SERBP1: variants seen among roughly 807,000 people sequenced by gnomAD.
The protein encoded by SERBP1 is SERPINE1 mRNA binding protein 1, also known as SERPINE1 mRNA-binding protein 1.
SERBP1 carries 6 observed loss-of-function variants against 50.2 expected under a neutral mutation model. The ratio of observed to expected loss-of-function variants is 0.12; its 90% confidence interval spans 0.07 to 0.24. The LOEUF (loss-of-function observed/expected upper bound fraction) is 0.24. SERBP1 is among the 10% of genes least tolerant of loss of function. SERBP1 has a pLI of 1.00. For synonymous variants in SERBP1, 168 were observed against 182.8 expected, an observed-to-expected ratio of 0.92 and a Z score of 0.65; for missense variants, 346 against 524.9, an observed-to-expected ratio of 0.66 and a Z score of 3.33.
Position 67,430,343 on chromosome 1 carries a change from C to A in SERBP1, c.-43G>T. The stretch of plus-strand genomic sequence containing the variant: ...GCGTTCCTCCACGGATTGCAGCGGG[C>A]CGCGCCGAGCCAAGAGCGCCTGCTT... On this transcript the variant is annotated 5_prime_UTR_variant, in exon 1 of 8. Transcript: ENST00000361219. 2.0e-6 allele frequency: 3 copies of A among 1,491,638 alleles called. No homozygotes were observed. Among genetic ancestry groups the A allele is most frequent in the Non-Finnish European group, 1.8e-6 (2 of 1,120,962 alleles). The allele number at this position is 1,491,638 out of a possible 1,614,324, so 92.4% of individuals were successfully genotyped here. A position where few individuals can be genotyped will look rare whatever the true frequency, so the allele number is the denominator to read the frequency against.
chr1:67,415,357 G>A lies in SERBP1; in HGVS notation c.952-18C>T, dbSNP rs745463363. On this transcript the variant is annotated intron_variant, in intron 6 of 7. Coordinates refer to ENST00000361219, the MANE Select transcript of SERBP1 (RefSeq NM_001018069.2). ...GCATGAGCCTAAAAATATAAGTGAA[G>A]ATGATTGTGTTATTAGTAGAAAAGT... The A allele has an allele frequency of 1.7e-5, 26 of 1,542,214 alleles. No homozygotes were observed. The highest frequency in any genetic ancestry group is 1.6e-5 in the Non-Finnish European group (18 of 1,143,564).
Position 67,430,141 on chromosome 1 carries a change from C to T in SERBP1, c.160G>A (p.Ala54Thr). The change falls in exon 1 of 8, where the codon GCA (alanine) becomes ACA (threonine). Residue 54 changes from alanine (A) to threonine (T), a missense_variant. Coordinates refer to ENST00000361219, the MANE Select transcript of SERBP1 (RefSeq NM_001018069.2). ...GGVGGPGAKS[A>T]AQAAAQTNSN... Reference sequence around the variant, plus strand: ...TTGGTCTGGGCCGCGGCCTGAGCTGCGCTCTTGGCCCCAGGGCCCCCAACG... The same window carrying T: ...TTGGTCTGGGCCGCGGCCTGAGCTGTGCTCTTGGCCCCAGGGCCCCCAACG... The T allele has an allele frequency of 1.2e-6, 2 of 1,611,482 alleles. No individual in the cohort carries two copies. The highest frequency in any genetic ancestry group is 2.2e-5 in the East Asian group (1 of 44,872).
At chr1:67,420,653 G>C (rs1471282216) in intron 5 of SERBP1, 1 of 152,608 alleles carries the variant, frequency 6.6e-6, no homozygotes, top group Admixed American at 6.5e-5. Context: ...TCAAATTTTG[G>C]AATATAAAAG....
At chr1:67,420,236 T>A in intron 5 of SERBP1, 50 bp from the exon 6 acceptor site, 1 of 1,320,424 alleles carries the variant, frequency 7.6e-7, no homozygotes. Context: ...TGATATTACA[T>A]AAAAGTATTT....
rs1314254662 is a variant in SERBP1, at chr1:67,409,150, C to G, written c.*4057G>C. 1 of 152,108 alleles carries G rather than the reference C, an allele frequency of 6.6e-6. No homozygotes were observed. Among genetic ancestry groups the G allele is most frequent in the South Asian group, 2.1e-4 (1 of 4,812 alleles). The allele number at this position is 152,108 out of a possible 1,614,324, so 9.4% of individuals were successfully genotyped here. On this transcript the variant is annotated 3_prime_UTR_variant, in exon 8 of 8. Transcript: ENST00000361219. Reference sequence around the variant, plus strand: ...GGAGGCTGAGGCAGAATTGCTTGAACCCGGGAGGTGGAGGCTGCAGTGACC... The same window carrying G: ...GGAGGCTGAGGCAGAATTGCTTGAAGCCGGGAGGTGGAGGCTGCAGTGACC...
intron 6 of SERBP1, chr1:67,419,785 A>AAC (rs1178546988): frequency 1.9e-6 from 1 of 517,924 alleles, no homozygotes; most frequent in Non-Finnish European, 3.4e-6. Context: ...AGGAAAAAGT[A>AAC]ACTCTACCAC....
intron 7 of SERBP1, among the ~76,000 whole-genome samples, chr1:67,414,853 T>G (rs973476445): frequency 1.3e-5 from 2 of 152,196 alleles, no homozygotes; most frequent in African/African-American, 2.4e-5. Flanking sequence ...TATACCAGAA[T>G]TTTCTCATCT....
Position 67,430,170 on chromosome 1 carries a change from C to T in SERBP1, c.131G>A (p.Gly44Asp). The change falls in exon 1 of 8, where the codon GGC becomes GAC. Residue 44 changes from glycine to aspartate, a missense_variant. Gly to Asp is a moderately conservative substitution (Grantham distance 94). Around this residue, in one of 5 missense-constraint regions of SERBP1, gnomAD observed 257 missense variants for 331.2 expected, o/e 0.78. Coordinates refer to ENST00000361219, the MANE Select transcript of SERBP1 (RefSeq NM_001018069.2). ...AENKKKEAGG[G>D]GVGGPGAKSA... ...CTTGGCCCCAGGGCCCCCAACGCCG[C>T]CCCCGCCGGCTTCTTTTTTCTTGTT... is the stretch of plus-strand genomic sequence containing the variant. 1 of 1,610,720 alleles carries T rather than the reference C, an allele frequency of 6.2e-7. No homozygotes were observed. Among genetic ancestry groups the T allele is most frequent in the Non-Finnish European group, 8.5e-7 (1 of 1,179,526 alleles).
intron 5 of SERBP1, among the ~76,000 whole-genome samples, chr1:67,420,904 T>C (rs1667178333): frequency 6.6e-6 from 1 of 152,246 alleles, no homozygotes; most frequent in South Asian, 2.1e-4. Context: ...AATATGATCC[T>C]TTCCTCTTTT....
At chr1:67,426,337 CT>C in intron 1 of SERBP1, 52 bp from the exon 2 acceptor site, 7 of 1,527,180 alleles carry the variant, frequency 4.6e-6, no homozygotes, top group Non-Finnish European at 6.1e-6. Flanking sequence ...AATCCAAAAA[CT>C]TTAGGCCTGG....
intron 6 of SERBP1, among the ~76,000 whole-genome samples, chr1:67,419,162 T>C (rs1196048676): frequency 2.0e-5 from 3 of 152,248 alleles, no homozygotes; most frequent in Admixed American, 1.3e-4. Context: ...CAATCCCTTT[T>C]CTTCCTATCC....
At chr1:67,419,526 T>C (rs918096064) in intron 6 of SERBP1, among the ~76,000 whole-genome samples, 2 of 152,200 alleles carry the variant, frequency 1.3e-5, no homozygotes, top group African/African-American at 4.8e-5. Flanking sequence ...CACATTGCCA[T>C]TTACTGAGTG....
intron 5 of SERBP1, among the ~76,000 whole-genome samples, chr1:67,421,285 G>A (rs1179339448): frequency 6.6e-6 from 1 of 152,138 alleles, no homozygotes; most frequent in African/African-American, 2.4e-5. Context: ...ACACAGCCAG[G>A]AATAGAACTT....
chr1:67,429,661 C>A, intron 1 of SERBP1: 1 of 250,820 alleles, frequency 4.0e-6, no homozygotes, highest in Non-Finnish European at 7.7e-6. Flanking sequence ...ATGCGCTCAC[C>A]CGCCAAGGAA....
At position 67,413,117 on chromosome 1, in the gene SERBP1, TA is replaced by T; in HGVS notation, c.*89del. ...GTATGAATGACAGTCTTTTTTTTTTTAATTTCTTAGTCGTTTGGAATCCTTA... is the reference window on the plus strand; with the variant it reads ...GTATGAATGACAGTCTTTTTTTTTTTATTTCTTAGTCGTTTGGAATCCTTA... On this transcript the variant is annotated 3_prime_UTR_variant, in exon 8 of 8. Coordinates refer to ENST00000361219, the MANE Select transcript of SERBP1 (RefSeq NM_001018069.2). The T allele has an allele frequency of 7.2e-7, 1 of 1,386,514 alleles. No individual in the cohort carries two copies. Among genetic ancestry groups the T allele is most frequent in the Non-Finnish European group, 9.6e-7 (1 of 1,040,922 alleles). 85.9% of individuals were successfully genotyped at this position (1,386,514 alleles called of 1,614,324 possible).
rs569288083 is a variant in SERBP1 at position 67,425,220 on chromosome 1, C to G, written c.468G>C (p.Pro156=). Residue 156 remains proline (P), a synonymous_variant, in exon 3 of 8, where the codon CCG becomes CCC. Coordinates refer to ENST00000361219, the MANE Select transcript of SERBP1 (RefSeq NM_001018069.2). ...GEGGEFSVDR[P]IIDRPIRGRG... is the part of the protein sequence containing the mutation. The stretch of plus-strand genomic sequence containing the variant: ...GACCTCGAATAGGTCGGTCAATAAT[C>G]GGTCTATAATATAAACAAATAAATT... The G allele has an allele frequency of 1.0e-5, 16 of 1,601,632 alleles. No individual in the cohort carries two copies. Among genetic ancestry groups the G allele is most frequent in the Non-Finnish European group, 1.2e-5 (14 of 1,176,926 alleles).
intron 3 of SERBP1, 43 bp from the exon 4 acceptor site, chr1:67,425,020 T>C (rs1287051810): frequency 1.9e-6 from 3 of 1,602,184 alleles, no homozygotes; most frequent in Non-Finnish European, 1.7e-6. Flanking sequence ...GTTCTAGAAA[T>C]TCAAAGTTTG....
rs1666847208 is a variant in SERBP1, at chr1:67,411,599, GAAT to G, written c.*1605_*1607del. On this transcript the variant is annotated 3_prime_UTR_variant, in exon 8 of 8. Coordinates refer to ENST00000361219, the MANE Select transcript of SERBP1 (RefSeq NM_001018069.2). ...CAATTACCTCCTTCCTAAAATGTCAGAATAGTAGGTAACTGAGATTAATAAATC... is the reference window on the plus strand; with the variant it reads ...CAATTACCTCCTTCCTAAAATGTCAGAGTAGGTAACTGAGATTAATAAATC... 6.6e-6 allele frequency: 1 copy of G among 152,106 alleles called. No homozygotes were observed. Among genetic ancestry groups the G allele is most frequent in the South Asian group, 2.1e-4 (1 of 4,826 alleles). 9.4% of individuals were successfully genotyped at this position (152,106 alleles called of 1,614,324 possible). A position where few individuals can be genotyped will look rare whatever the true frequency, so the allele number is the denominator to read the frequency against.
chr1:67,425,256 G>A, intron 2 of SERBP1, 33 bp from the exon 3 acceptor site: 1 of 1,545,388 alleles, frequency 6.5e-7, no homozygotes, highest in Non-Finnish European at 8.7e-7. Flanking sequence ...ATACTTCCAT[G>A]GTTTCCAGAA....
Sources: allele counts gnomAD v4.1 joint callset (sites outside exome capture counted in the v4.1 genomes callset), GRCh38; gene constraint gnomAD v4.1.1; regional missense constraint gnomAD v4.1.1; transcripts MANE v1.5; gene names NCBI Gene and HGNC (gene_info 2026-07-23, HGNC 2026-07-21).